Variants in CAST observed in about 807,000 individuals in gnomAD.
The protein encoded by CAST is calpastatin, also known as MIR583 host.
CAST carries 76 observed loss-of-function variants against 119.6 expected under a neutral mutation model. The observed-to-expected ratio is 0.64, with a 90% CI of 0.53 to 0.77. CAST has a LOEUF of 0.77. CAST is among the 30% of genes least tolerant of loss of function. The pLI, the probability that CAST is intolerant of heterozygous loss-of-function variation, is 0.00. For synonymous variants in CAST, 319 were observed against 331.6 expected, an observed-to-expected ratio of 0.96 and a Z score of 0.41; for missense variants, 953 against 946.5, an observed-to-expected ratio of 1.01 and a Z score of -0.09.
chr5:96,736,379 A>G, intron 10 of CAST, 139 bp downstream of exon 10: 1 of 547,876 alleles, frequency 1.8e-6, no homozygotes, highest in Non-Finnish European at 3.2e-6. Flanking sequence ...TTTCAAGCTA[A>G]TATTGAAAGT....
chr5:96,386,169 T>C, the CAST span, among the ~76,000 whole-genome samples: 1 of 152,246 alleles, frequency 6.6e-6, no homozygotes, highest in Non-Finnish European at 1.5e-5. Flanking sequence ...ATCTCAATGC[T>C]TTAGAAATTT....
intron 3 of CAST, among the ~76,000 whole-genome samples, chr5:96,720,141 A>G (rs934884966): frequency 2.0e-5 from 3 of 152,222 alleles, no homozygotes; most frequent in Non-Finnish European, 2.9e-5. Context: ...GGCACAGAGC[A>G]TATTCTGGAT....
chr5:96,399,178 A>G, the CAST span: 1 of 660,294 alleles, frequency 1.5e-6, no homozygotes, highest in Non-Finnish European at 2.7e-6. Flanking sequence ...CTAATTCAGA[A>G]TTATGTATAC....
At chr5:96,036,087 AAGAG>A in the CAST span, among the ~76,000 whole-genome samples, 7 of 151,848 alleles carry the variant, frequency 4.6e-5, no homozygotes, top group Admixed American at 6.6e-5. Context: ...TAAAAAAAAA[AAGAG>A]AGAGAGAAAA....
At chr5:96,265,039 C>G in the CAST span, among the ~76,000 whole-genome samples, 146 of 152,114 alleles carry the variant, frequency 9.6e-4, no homozygotes, top group African/African-American at 3.4e-3. Flanking sequence ...GGAAATATAC[C>G]TAAAAATGGA....
the CAST span, among the ~76,000 whole-genome samples, chr5:96,228,837 T>C: frequency 1.3e-5 from 2 of 152,112 alleles, no homozygotes; most frequent in Admixed American, 1.3e-4. Flanking sequence ...TAGAAAAATA[T>C]AAGCAAATGT....
the CAST span, among the ~76,000 whole-genome samples, chr5:96,125,137 A>T: frequency 1.3e-5 from 2 of 152,190 alleles, no homozygotes; most frequent in African/African-American, 2.4e-5. Context: ...TATGTAGATT[A>T]TTCTAAGCCT....
At chr5:96,464,852 T>C in the CAST span, among the ~76,000 whole-genome samples, 4 of 152,040 alleles carry the variant, frequency 2.6e-5, no homozygotes, top group Admixed American at 2.6e-4. Context: ...ATACAGCAAG[T>C]GCTCCCAAGT....
At chr5:96,247,044 A>G in the CAST span, among the ~76,000 whole-genome samples, 1 of 152,234 alleles carries the variant, frequency 6.6e-6, no homozygotes, top group Admixed American at 6.5e-5. Flanking sequence ...GTCATTAAGT[A>G]TATAGATCAT....
chr5:96,528,979 C>T (rs575190922), upstream of CAST, among the ~76,000 whole-genome samples: 28 of 152,338 alleles, frequency 1.8e-4, no homozygotes, highest in African/African-American at 6.5e-4. Context: ...TGACATAAAC[C>T]TGGTGACTAC....
the CAST span, among the ~76,000 whole-genome samples, chr5:96,246,285 C>T: frequency 6.6e-6 from 1 of 150,896 alleles, no homozygotes; most frequent in African/African-American, 2.4e-5. Context: ...GGGGTTCAGG[C>T]CATTCTCCTG....
chr5:96,132,929 A>C, the CAST span, among the ~76,000 whole-genome samples: 2 of 152,190 alleles, frequency 1.3e-5, no homozygotes, highest in Non-Finnish European at 2.9e-5. Flanking sequence ...AAAGGAACAG[A>C]TACAAAGGAA....
chr5:96,360,385 A>T, the CAST span, among the ~76,000 whole-genome samples: 1 of 151,920 alleles, frequency 6.6e-6, no homozygotes, highest in Non-Finnish European at 1.5e-5. Flanking sequence ...CCTGGTGAGT[A>T]GTTGTGATCC....
intron 1 of CAST, among the ~76,000 whole-genome samples, chr5:96,665,176 C>T (rs1213710432): frequency 6.6e-6 from 1 of 152,146 alleles, no homozygotes; most frequent in Non-Finnish European, 1.5e-5. Context: ...TAGCTTTGCC[C>T]AAACCAGTGC....
chr5:95,964,748 A>G, the CAST span, among the ~76,000 whole-genome samples: 9 of 152,236 alleles, frequency 5.9e-5, no homozygotes, highest in Non-Finnish European at 8.8e-5. Context: ...CCTGCCTAAC[A>G]TAACCAGGAG....
At chr5:96,154,928 A>G in the CAST span, among the ~76,000 whole-genome samples, 1 of 152,168 alleles carries the variant, frequency 6.6e-6, no homozygotes, top group Non-Finnish European at 1.5e-5. Flanking sequence ...TTCAGTTTTT[A>G]TACTGTACTA....
chr5:96,627,146 T>G (rs1747738433), intron 1 of CAST, among the ~76,000 whole-genome samples: 1 of 152,200 alleles, frequency 6.6e-6, no homozygotes. Context: ...ATGAGGAAGA[T>G]AGGAGTCCAA....
the CAST span, among the ~76,000 whole-genome samples, chr5:96,316,650 G>A: frequency 6.6e-6 from 1 of 152,176 alleles, no homozygotes; most frequent in Non-Finnish European, 1.5e-5. Context: ...GGGGAACCGT[G>A]AGAGAATGCA....
the CAST span, among the ~76,000 whole-genome samples, chr5:96,089,918 A>G: frequency 1.3e-5 from 2 of 152,210 alleles, no homozygotes; most frequent in Non-Finnish European, 2.9e-5. Flanking sequence ...CTTTCCACAG[A>G]AAGGATATTC....
Sources: allele counts gnomAD v4.1 joint callset (sites outside exome capture counted in the v4.1 genomes callset), GRCh38; gene constraint gnomAD v4.1.1; transcripts MANE v1.5; gene names NCBI Gene and HGNC (gene_info 2026-07-23, HGNC 2026-07-21).